Variants in ATP8A2 observed in about 807,000 individuals in gnomAD.
ATP8A2 encodes phospholipid-transporting ATPase IB.
ATP8A2 carries 100 observed loss-of-function variants against 165.6 expected under a neutral mutation model. That is an observed-to-expected ratio of 0.60 (90% confidence interval 0.51 to 0.71). The LOEUF is 0.71. Among genes scored for constraint, ATP8A2 ranks in the 30% least tolerant of loss-of-function variants. The probability of loss-of-function intolerance (pLI) is 0.00; values close to 1 mark genes in which losing one functional copy is unlikely to be tolerated. For synonymous variants in ATP8A2, 543 were observed against 548.8 expected (o/e 0.99, Z 0.15); for missense variants, 1,227 against 1,479.5 (o/e 0.83, Z 2.80).
At chr13:25,800,917 G>A (rs1427114658) in intron 27 of ATP8A2, among the ~76,000 whole-genome samples, 1 of 152,128 alleles carries the variant, frequency 6.6e-6, no homozygotes, top group East Asian at 1.9e-4. Context: ...TATTAATTCT[G>A]AGCAGAGGCA....
chr13:25,407,806 G>A (rs1440255247), intron 1 of ATP8A2, among the ~76,000 whole-genome samples: 4 of 152,180 alleles, frequency 2.6e-5, no homozygotes, highest in South Asian at 2.1e-4. Context: ...TTCCAAAGGC[G>A]ATTGCAGTCT....
chr13:25,732,797 G>GA (rs1265451802), intron 25 of ATP8A2, among the ~76,000 whole-genome samples: 1 of 151,868 alleles, frequency 6.6e-6, no homozygotes, highest in Non-Finnish European at 1.5e-5. Flanking sequence ...GCCTATTGCT[G>GA]AAAAAAAGTT....
At position 25,761,557 on chromosome 13, in the gene ATP8A2, C is replaced by T. The variant is rs566853706; in HGVS notation, c.2385-7489C>T. ...GCTTGGGAGGCTGCGGCAGGAGGAT[C>T]GCTTGAGACCAGGAGTTCAAGACCA... On this transcript the variant is annotated intron_variant, in intron 25 of 36. Coordinates refer to ENST00000381655, the MANE Select transcript of ATP8A2 (RefSeq NM_016529.6). 1.1e-3 allele frequency among the ~76,000 whole-genome samples: 166 copies of T among 151,808 alleles called. No individual in the cohort carries two copies. The Middle Eastern group carries it at 0.021, about 19-fold the overall frequency.
intron 33 of ATP8A2, chr13:25,944,796 G>A (rs1393683301): frequency 2.0e-5 from 3 of 152,196 alleles, no homozygotes; most frequent in Non-Finnish European, 4.4e-5. Flanking sequence ...TAAAAAATAT[G>A]TATCTCTGAC....
chr13:25,591,837 A>G (rs1413262381), intron 24 of ATP8A2, among the ~76,000 whole-genome samples: 2 of 152,200 alleles, frequency 1.3e-5, no homozygotes. Flanking sequence ...TAGTGCTGCT[A>G]TAAATGTGGA....
intron 1 of ATP8A2, among the ~76,000 whole-genome samples, chr13:25,415,147 C>T (rs1405457552): frequency 1.3e-5 from 2 of 152,224 alleles, no homozygotes; most frequent in Non-Finnish European, 2.9e-5. Context: ...TCCAATAGCA[C>T]AGAATGTTAT....
intron 33 of ATP8A2, among the ~76,000 whole-genome samples, chr13:25,934,511 A>T (rs1954836431): frequency 6.6e-6 from 1 of 152,236 alleles, no homozygotes; most frequent in East Asian, 1.9e-4. Flanking sequence ...CCTTAGGAAG[A>T]TTATTTGACA....
chr13:25,674,550 AAGTGGTGTATTT>A (rs1031406459), intron 24 of ATP8A2, among the ~76,000 whole-genome samples: 1 of 152,046 alleles, frequency 6.6e-6, no homozygotes. Flanking sequence ...GGCTGCAGGG[AAGTGGTGTATTT>A]AGTGCTTTGC....
chr13:25,551,602 GTTCCC>G, intron 11 of ATP8A2, 99 bp downstream of exon 11: 1 of 1,124,694 alleles, frequency 8.9e-7, no homozygotes, highest in Non-Finnish European at 1.3e-6. Flanking sequence ...CTGTCCTTCT[GTTCCC>G]TTTGGTTACT....
chr13:25,698,193 T>A (rs1288384942), intron 24 of ATP8A2, among the ~76,000 whole-genome samples: 1 of 151,752 alleles, frequency 6.6e-6, no homozygotes, highest in Non-Finnish European at 1.5e-5. Flanking sequence ...CTGTTCATAG[T>A]CATAAATTCA....
chr13:25,698,890 G>A (rs1309914068), intron 24 of ATP8A2, among the ~76,000 whole-genome samples: 1 of 152,096 alleles, frequency 6.6e-6, no homozygotes, highest in African/African-American at 2.4e-5. Flanking sequence ...TTTATATGGA[G>A]TTTTCTATTC....
chr13:25,574,363 T>A (rs1395639214), intron 18 of ATP8A2, among the ~76,000 whole-genome samples: 2 of 152,334 alleles, frequency 1.3e-5, no homozygotes, highest in East Asian at 3.9e-4. Context: ...CTGTTTATGA[T>A]CTTTATGAAT....
At chr13:25,686,357 T>C (rs2042601615) in intron 24 of ATP8A2, among the ~76,000 whole-genome samples, 1 of 152,200 alleles carries the variant, frequency 6.6e-6, no homozygotes, top group Non-Finnish European at 1.5e-5. Context: ...CAGAAACTTA[T>C]AGCTGCCTTG....
At chr13:25,988,509 C>A (rs544071420) in intron 35 of ATP8A2, among the ~76,000 whole-genome samples, 1 of 150,996 alleles carries the variant, frequency 6.6e-6, no homozygotes, top group East Asian at 1.9e-4. Context: ...TTTCTATGGC[C>A]TTTTCTGCAT....
Position 25,619,709 on chromosome 13 carries a change from G to T in ATP8A2, c.2211+30010G>T, listed in dbSNP as rs182982457. ...AGTTAATACTCTAAGAAGAATTAGG[G>T]AAGTAGTAGGTAAATAAGAAATTAT... On this transcript the variant is annotated intron_variant, in intron 24 of 36. Coordinates refer to ENST00000381655, the MANE Select transcript of ATP8A2 (RefSeq NM_016529.6). Among the ~76,000 whole-genome samples the T allele has an allele frequency of 2.5e-3, 384 of 152,330 alleles. 1 individual carries two copies. Among genetic ancestry groups the T allele is most frequent in the Non-Finnish European group, 1.1e-3 (76 of 68,030 alleles).
intron 18 of ATP8A2, among the ~76,000 whole-genome samples, chr13:25,572,701 A>G (rs948383296): frequency 6.6e-6 from 1 of 152,108 alleles, no homozygotes; most frequent in African/African-American, 2.4e-5. Context: ...ATTGATGATA[A>G]GGGTCTGGGG....
intron 24 of ATP8A2, among the ~76,000 whole-genome samples, chr13:25,622,263 G>GTCAA (rs1192421764): frequency 2.6e-5 from 4 of 151,674 alleles, no homozygotes; most frequent in African/African-American, 9.7e-5. Flanking sequence ...TTGGAGATGT[G>GTCAA]TCAATAGAGC....
chr13:25,920,310 A>G (rs1382909839), intron 33 of ATP8A2, among the ~76,000 whole-genome samples: 7 of 152,076 alleles, frequency 4.6e-5, no homozygotes, highest in African/African-American at 1.4e-4. Flanking sequence ...TATGACCTCC[A>G]AATCTAAATC....
At chr13:25,466,277 G>A (rs192598790) in intron 1 of ATP8A2, among the ~76,000 whole-genome samples, 3 of 152,170 alleles carry the variant, frequency 2.0e-5, no homozygotes, top group East Asian at 3.9e-4. Flanking sequence ...AGTTGGCCCT[G>A]ATACAATTTT....
Sources: allele counts gnomAD v4.1 joint callset (sites outside exome capture counted in the v4.1 genomes callset), GRCh38; gene constraint gnomAD v4.1.1; transcripts MANE v1.5; gene names NCBI Gene and HGNC (gene_info 2026-07-23, HGNC 2026-07-21).